NUDT7: variants seen among roughly 807,000 people sequenced by gnomAD.
NUDT7 encodes nudix hydrolase 7.
Under a neutral mutation model 13.1 loss-of-function variants are expected in NUDT7, and 19 were observed. The ratio of observed to expected loss-of-function variants is 1.45; its 90% CI spans 1.01 to 2.13. The LOEUF (loss-of-function observed/expected upper bound fraction) is 2.13, where lower values mean the gene tolerates loss of function less well. Ranked by LOEUF, NUDT7 falls within the 30% of genes most tolerant of loss-of-function variation. NUDT7 has a pLI of 0.00. For missense variants in NUDT7, 360 were observed against 291.7 expected, an observed-to-expected ratio of 1.23 and a Z score of -1.71; for synonymous variants, 132 against 109.7, an observed-to-expected ratio of 1.20 and a Z score of -1.27.
rs1484914510 is a variant in NUDT7, at chr16:77,722,557, C to T, written c.-26C>T. On this transcript the variant is annotated 5_prime_UTR_variant, in exon 1 of 4. Transcript: ENST00000268533. ...CGACCGAGCAGCTCCGAGGAGTCCGCCCGGAAACAAACATTCCCCAGGGCA... is the reference window on the plus strand; with the variant it reads ...CGACCGAGCAGCTCCGAGGAGTCCGTCCGGAAACAAACATTCCCCAGGGCA... 1.9e-6 allele frequency: 3 copies of T among 1,575,294 alleles called. No individual in the cohort carries two copies. In the African/African-American group the frequency reaches 4.1e-5, roughly 21 times the overall value.
At chr16:77,725,343 A>C in intron 1 of NUDT7, 88 bp from the exon 2 acceptor site, 1 of 1,243,422 alleles carries the variant, frequency 8.0e-7, no homozygotes, top group Non-Finnish European at 1.1e-6. Flanking sequence ...TCCTAAATAC[A>C]CAACAAAGCA....
intron 2 of NUDT7, 49 bp from the exon 3 acceptor site, chr16:77,735,779 G>T: frequency 1.3e-6 from 2 of 1,549,558 alleles, no homozygotes; most frequent in African/African-American, 1.4e-5. Context: ...TGCATAAATA[G>T]TTCCAAAATT....
intron 1 of NUDT7, among the ~76,000 whole-genome samples, chr16:77,723,592 C>CTTTTTTTTTTTTT (rs148451618): frequency 8.0e-6 from 1 of 125,702 alleles, no homozygotes; most frequent in African/African-American, 3.1e-5. Flanking sequence ...TTTGTATACA[C>CTTTTTTTTTTTTT]TTTTTTTTTT....
At chr16:77,723,785 T>C (rs909696047) in intron 1 of NUDT7, among the ~76,000 whole-genome samples, 7 of 151,822 alleles carry the variant, frequency 4.6e-5, no homozygotes, top group Non-Finnish European at 1.0e-4. Flanking sequence ...AGAGGTGGGG[T>C]TTTACCATGT....
intron 3 of NUDT7, among the ~76,000 whole-genome samples, chr16:77,740,309 C>T (rs1008388874): frequency 3.3e-5 from 5 of 152,120 alleles, no homozygotes; most frequent in Admixed American, 2.6e-4. Flanking sequence ...GAACATTCTG[C>T]AGGCCGGATA....
At chr16:77,737,640 C>T (rs528025441) in intron 3 of NUDT7, among the ~76,000 whole-genome samples, 4 of 152,188 alleles carry the variant, frequency 2.6e-5, no homozygotes, top group South Asian at 4.2e-4. Context: ...CGCCCATCAC[C>T]GCGCCCGGCT....
chr16:77,724,908 C>G (rs1020269674), intron 1 of NUDT7, among the ~76,000 whole-genome samples: 2 of 152,152 alleles, frequency 1.3e-5, no homozygotes, highest in Admixed American at 1.3e-4. Context: ...ATTCTCAGGC[C>G]CTACACCAGA....
chr16:77,734,017 ACT>A (rs1347813077), intron 2 of NUDT7, among the ~76,000 whole-genome samples: 5 of 152,156 alleles, frequency 3.3e-5, no homozygotes, highest in African/African-American at 1.2e-4. Flanking sequence ...CTATAGAGAC[ACT>A]GTCAGTTCTC....
intron 2 of NUDT7, chr16:77,735,296 C>T (rs2014441721): frequency 7.3e-6 from 3 of 412,614 alleles, no homozygotes; most frequent in African/African-American, 2.0e-5. Context: ...GGATTTCCCC[C>T]TTGGTACTGT....
chr16:77,729,740 G>A (rs549388155), intron 2 of NUDT7, among the ~76,000 whole-genome samples: 9 of 152,056 alleles, frequency 5.9e-5, no homozygotes, highest in Non-Finnish European at 7.4e-5. Context: ...CAGGAGAATC[G>A]CTTGAACCTA....
intron 2 of NUDT7, among the ~76,000 whole-genome samples, chr16:77,730,225 T>C (rs2014277538): frequency 6.6e-6 from 1 of 152,200 alleles, no homozygotes; most frequent in Non-Finnish European, 1.5e-5. Flanking sequence ...CTCTCGAATT[T>C]ATTCCTCCTG....
At chr16:77,733,759 T>C (rs984120975) in intron 2 of NUDT7, among the ~76,000 whole-genome samples, 2 of 152,150 alleles carry the variant, frequency 1.3e-5, no homozygotes, top group Admixed American at 6.5e-5. Context: ...CATTACCCCA[T>C]TGCACACAGT....
At chr16:77,736,747 T>C in intron 3 of NUDT7, 1 of 216,710 alleles carries the variant, frequency 4.6e-6, no homozygotes, top group Non-Finnish European at 9.9e-6. Context: ...ATTACAGGTG[T>C]GAACCACTGT....
intron 3 of NUDT7, among the ~76,000 whole-genome samples, chr16:77,739,280 G>A (rs2014584584): frequency 6.6e-6 from 1 of 152,186 alleles, no homozygotes; most frequent in Admixed American, 6.5e-5. Context: ...ATGTGCTGCT[G>A]GTTGGCCATT....
chr16:77,722,762 T>C, intron 1 of NUDT7, 145 bp downstream of exon 1: 1 of 733,742 alleles, frequency 1.4e-6, no homozygotes. Context: ...AGCACTCGCC[T>C]CCAGCAACCC....
intron 3 of NUDT7, among the ~76,000 whole-genome samples, chr16:77,738,940 G>A (rs2014573355): frequency 6.6e-6 from 1 of 152,244 alleles, no homozygotes; most frequent in Non-Finnish European, 1.5e-5. Context: ...GTCTCTAATT[G>A]TAGTTGTTAA....
Position 77,725,581 on chromosome 16 carries a change from G to A in NUDT7, c.186G>A (p.Glu62=), listed in dbSNP as rs758902370. The change falls in exon 2 of 4, where the codon GAG becomes GAA. Residue 62 remains glutamate, a synonymous_variant. Transcript: ENST00000268533. ...KLHLLFTVRS[E]KLRRAPGEVC... ...ATTTGTTGTTCACCGTCCGGTCAGA[G>A]AAGGTAGGTGGACAAAAAATTTCCT... The A allele has an allele frequency of 6.2e-7, 1 of 1,613,340 alleles. No homozygotes were observed. Among genetic ancestry groups the A allele is most frequent in the African/African-American group, 1.3e-5 (1 of 74,918 alleles).
At chr16:77,734,480 G>A (rs545092510) in intron 2 of NUDT7, among the ~76,000 whole-genome samples, 23 of 152,134 alleles carry the variant, frequency 1.5e-4, no homozygotes, top group African/African-American at 4.3e-4. Flanking sequence ...AAAATTAGCC[G>A]GGCATGCTGG....
At chr16:77,725,688 C>T (rs1262205189) in intron 2 of NUDT7, 104 bp downstream of exon 2, 3 of 1,063,790 alleles carry the variant, frequency 2.8e-6, no homozygotes, top group Non-Finnish European at 4.1e-6. Flanking sequence ...CTCAAAAGGG[C>T]TTTCAAAATT....
Sources: gnomAD v4.1 joint callset for allele counts (sites outside exome capture counted in the v4.1 genomes callset) on GRCh38, gnomAD v4.1.1 for gene constraint, MANE v1.5 for transcripts, NCBI Gene and HGNC (gene_info 2026-07-23, HGNC 2026-07-21) for gene names.